SCN4A: variants seen among roughly 807,000 people sequenced by gnomAD.
The protein encoded by SCN4A is sodium voltage-gated channel alpha subunit 4.
SCN4A carries 83 observed loss-of-function variants against 162.0 expected under a neutral mutation model. That is an observed-to-expected ratio of 0.51 (90% CI 0.43 to 0.61). The LOEUF is 0.61. Ranked by LOEUF, SCN4A falls within the 20% of genes least tolerant of loss-of-function variation. The pLI is 0.00. For synonymous variants in SCN4A, 944 were observed against 985.1 expected, an observed-to-expected ratio of 0.96 and a Z score of 0.78; for missense variants, 2,196 against 2,462.5, an observed-to-expected ratio of 0.89 and a Z score of 2.29.
At position 63,951,702 on chromosome 17, in the gene SCN4A, C is replaced by A; in HGVS notation, c.2575G>T (p.Gly859Trp). The A allele has an allele frequency of 6.3e-7, 1 of 1,597,482 alleles. No individual in the cohort carries two copies. The highest frequency in any genetic ancestry group is 8.5e-7 in the Non-Finnish European group (1 of 1,171,820). The change falls in exon 14 of 24, where the codon GGG becomes TGG. Residue 859 changes from glycine (G) to tryptophan (W), a missense_variant. Gly to Trp is a radical substitution (Grantham distance 184, BLOSUM62 -2). Coordinates refer to ENST00000435607, the MANE Select transcript of SCN4A (RefSeq NM_000334.4). The surrounding 1 kb of genome is among the most constrained non-coding windows in gnomAD (Gnocchi z 4.5). ...LSPKDIMLSL[G>W]EADGAGEAGE... Reference sequence around the variant, plus strand: ...GCCTCCCCGGCCCCGTCAGCCTCCCCGAGGCTGAGCATGATGTCCTTGGGG... The same window carrying A: ...GCCTCCCCGGCCCCGTCAGCCTCCCAGAGGCTGAGCATGATGTCCTTGGGG...
chr17:63,947,112 AT>A lies in SCN4A; in HGVS notation c.3373del (p.Ile1125SerfsTer13). ...NWLGYSELGPIKSLRTLRALR... is the reference protein window; with the variant it reads ...NWLGYSELGPXKSLRTLRALR... ...GGCCCGCAGTGTCCGCAGGGATTTG[AT>A]GGGTCCCAGCTCCGAGTAGCCCAGC... On this transcript the variant is annotated frameshift_variant, in exon 18 of 24. Coordinates refer to ENST00000435607, the MANE Select transcript of SCN4A (RefSeq NM_000334.4). LOFTEE classifies it high-confidence loss of function. 6.3e-7 allele frequency: 1 copy of A among 1,577,218 alleles called. No homozygotes were observed. Among genetic ancestry groups the A allele is most frequent in the Non-Finnish European group, 8.6e-7 (1 of 1,156,912 alleles).
At chr17:63,957,675 A>T (rs1257649035) in intron 12 of SCN4A, among the ~76,000 whole-genome samples, 157 bp from the exon 13 acceptor site, 2 of 152,140 alleles carry the variant, frequency 1.3e-5, no homozygotes, top group Non-Finnish European at 2.9e-5. Context: ...GGGAACACTC[A>T]TTCTACCACC....
Position 63,968,023 on chromosome 17 carries a change from C to T in SCN4A, c.1036G>A (p.Gly346Arg). 1 of 1,613,182 alleles carries T rather than the reference C, an allele frequency of 6.2e-7. No homozygotes were observed. Among genetic ancestry groups the T allele is most frequent in the Non-Finnish European group, 8.5e-7 (1 of 1,179,260 alleles). Reference sequence around the variant, plus strand: ...TGCCCGTCACCCTCCCCATTCTTACCTTCATCACTGATGTAGGCGTCCCAA... The same window carrying T: ...TGCCCGTCACCCTCCCCATTCTTACTTTCATCACTGATGTAGGCGTCCCAA... Reference protein sequence around the residue: ...FDWDAYISDEGNFYFLEGSND... With the variant: ...FDWDAYISDERNFYFLEGSND... Residue 346 changes from glycine (G) to arginine (R), a missense_variant and splice_region_variant, in exon 6 of 24, where the codon GGG (glycine) becomes AGG (arginine). Coordinates refer to ENST00000435607, the MANE Select transcript of SCN4A (RefSeq NM_000334.4).
intron 21 of SCN4A, 72 bp from the exon 22 acceptor site, chr17:63,943,922 G>A (rs1908629542): frequency 2.1e-6 from 2 of 938,256 alleles, no homozygotes; most frequent in Non-Finnish European, 3.5e-6. Context: ...CCCCACCTCA[G>A]TGGGGCACCT....
rs773202280 is a variant in SCN4A at position 63,945,425 on chromosome 17, G to A, written c.3655C>T (p.Arg1219Cys). 3.1e-6 allele frequency: 5 copies of A among 1,613,900 alleles called. No individual in the cohort carries two copies. Among genetic ancestry groups the A allele is most frequent in the Non-Finnish European group, 3.4e-6 (4 of 1,179,812 alleles). ...TAGTTGACCTTGACATTGAGCCAGC[G>A]GACCTGGCCTGTGTGCATGAGGCTC... ...CESLMHTGQVRWLNVKVNYDN... is the reference protein window; with the variant it reads ...CESLMHTGQVCWLNVKVNYDN... Residue 1219 changes from arginine to cysteine, a missense_variant, in exon 19 of 24, where the codon CGC becomes TGC. Arg to Cys is a radical substitution (Grantham distance 180, BLOSUM62 -3). Coordinates refer to ENST00000435607, the MANE Select transcript of SCN4A (RefSeq NM_000334.4). The surrounding 1 kb of genome is among the most constrained non-coding windows in gnomAD (Gnocchi z 4.4).
In SCN4A at chr17:63,944,901, A is replaced by C. The variant is rs1006411734; in HGVS notation, c.3775-91T>G. On this transcript the variant is annotated intron_variant, in intron 20 of 23. Transcript: ENST00000435607. The surrounding 1 kb of genome is among the most constrained non-coding windows in gnomAD (Gnocchi z 4.3). Reference sequence around the variant, plus strand: ...CTGAGGGCAGGACCCATCCACCCCCAGGGCTGCCAAGTCTCGGGGACAGAA... The same window carrying C: ...CTGAGGGCAGGACCCATCCACCCCCCGGGCTGCCAAGTCTCGGGGACAGAA... 6.3e-7 allele frequency: 1 copy of C among 1,590,908 alleles called. No homozygotes were observed.
intron 22 of SCN4A, 112 bp from the exon 23 acceptor site, chr17:63,943,208 ATG>A: frequency 3.7e-6 from 1 of 272,100 alleles, no homozygotes; most frequent in South Asian, 3.4e-5. Context: ...GATGACAGAG[ATG>A]ACAGAGAGAG....
In SCN4A at chr17:63,951,627, C is replaced by T. The variant is rs780708338; in HGVS notation, c.2650G>A (p.Glu884Lys). The change falls in exon 14 of 24, where the codon GAG becomes AAG. Residue 884 changes from glutamate to lysine, a missense_variant. Coordinates refer to ENST00000435607, the MANE Select transcript of SCN4A (RefSeq NM_000334.4). The surrounding 1 kb of genome is among the most constrained non-coding windows in gnomAD (Gnocchi z 4.5). ...TGATTGTCCTTCTTCAGGTCCTCCT[C>T]GGGCGGCTCCTTCTTCTCATCCTCG... ...APEDEKKEPP[E>K]EDLKKDNHIL... 1.7e-5 allele frequency: 28 copies of T among 1,612,900 alleles called. No homozygotes were observed. The highest frequency in any genetic ancestry group is 1.6e-4 in the Middle Eastern group (1 of 6,084).
At position 63,950,405 on chromosome 17, in the gene SCN4A, T is replaced by G. The variant is rs1342860648; in HGVS notation, c.2854-877A>C. On this transcript the variant is annotated intron_variant, in intron 14 of 23. Coordinates refer to ENST00000435607, the MANE Select transcript of SCN4A (RefSeq NM_000334.4). This position sits in a 1 kb window ranked among gnomAD's most constrained non-coding sequence, Gnocchi z 4.6. The stretch of plus-strand genomic sequence containing the variant: ...CAACTCCCTAAATCTCCCTTGGAGT[T>G]GTGCTCGCCCTCCTTGAACAAGTCC... Among the ~76,000 whole-genome samples the G allele has an allele frequency of 6.6e-6, 1 of 152,132 alleles. No homozygotes were observed. Among genetic ancestry groups the G allele is most frequent in the Non-Finnish European group, 1.5e-5 (1 of 68,004 alleles).
intron 13 of SCN4A, among the ~76,000 whole-genome samples, chr17:63,953,267 G>C (rs911299754): frequency 1.6e-4 from 24 of 152,086 alleles, no homozygotes; most frequent in Admixed American, 6.5e-5. Context: ...GGCTGAGGCA[G>C]GAGAATCGCT....
At chr17:63,967,561 G>A (rs895130573) in intron 6 of SCN4A, among the ~76,000 whole-genome samples, 1 of 152,166 alleles carries the variant, frequency 6.6e-6, no homozygotes, top group African/African-American at 2.4e-5. Context: ...GGGAGATCAA[G>A]TGACTAGTCA....
intron 13 of SCN4A, among the ~76,000 whole-genome samples, chr17:63,955,720 G>C (rs1189231948): frequency 6.6e-6 from 1 of 152,014 alleles, no homozygotes; most frequent in Admixed American, 6.6e-5. Context: ...GTTGGGCCCG[G>C]GCACCTTCCC....
Position 63,949,512 on chromosome 17 carries a change from A to G in SCN4A, c.2870T>C (p.Leu957Pro). The change falls in exon 15 of 24, where the codon CTC (leucine) becomes CCC (proline). Residue 957 changes from leucine (L) to proline (P), a missense_variant. Physicochemically the swap from Leu to Pro is moderately conservative, Grantham distance 98. Transcript: ENST00000435607. ...PEDSKKPPQP[L>P]YDGNSSVCST... The stretch of plus-strand genomic sequence containing the variant: ...GCAGACGGACGAGTTCCCATCATAG[A>G]GAGGCTGCGGCGGCTTCTGCGGAGG... The G allele has an allele frequency of 6.2e-7, 1 of 1,610,546 alleles. No individual in the cohort carries two copies. The highest frequency in any genetic ancestry group is 8.5e-7 in the Non-Finnish European group (1 of 1,177,540).
At chr17:63,957,118 G>T in intron 13 of SCN4A, 44 bp downstream of exon 13, 3 of 1,321,624 alleles carry the variant, frequency 2.3e-6, no homozygotes, top group Non-Finnish European at 3.2e-6. Flanking sequence ...CATCTTGTAC[G>T]CTTCCCGGGT....
intron 5 of SCN4A, among the ~76,000 whole-genome samples, chr17:63,970,514 A>G (rs2144812539): frequency 6.6e-6 from 1 of 152,238 alleles, no homozygotes; most frequent in East Asian, 1.9e-4. Flanking sequence ...CCCAGGCTGG[A>G]GTGCAGTGGC....
Position 63,941,729 on chromosome 17 carries a change from T to C in SCN4A, c.4553A>G (p.Asn1518Ser). The C allele has an allele frequency of 6.2e-7, 1 of 1,614,002 alleles. No individual in the cohort carries two copies. Among genetic ancestry groups the C allele is most frequent in the South Asian group, 1.1e-5 (1 of 91,076 alleles). The change falls in exon 24 of 24, where the codon AAC (asparagine) becomes AGC (serine). Residue 1518 changes from asparagine to serine, a missense_variant. By Grantham distance (46) the Asn-to-Ser change is conservative. Transcript: ENST00000435607. This position sits in a 1 kb window ranked among gnomAD's most constrained non-coding sequence, Gnocchi z 6.2. ...GATGCTGTTGCCGAAGGTCTCGAAG[T>C]TGAACATATCATCGATGCCCGACTC... Reference protein sequence around the residue: ...KKESGIDDMFNFETFGNSIIC... With the variant: ...KKESGIDDMFSFETFGNSIIC...
Position 63,968,003 on chromosome 17 carries a change from G to A in SCN4A, c.1036+20C>T, listed in dbSNP as rs755836242. The A allele has an allele frequency of 1.6e-5, 25 of 1,602,164 alleles. No individual in the cohort carries two copies. The highest frequency in any genetic ancestry group is 3.3e-5 in the South Asian group (3 of 90,814). On this transcript the variant is annotated intron_variant, in intron 6 of 23. Coordinates refer to ENST00000435607, the MANE Select transcript of SCN4A (RefSeq NM_000334.4). ...GACTGGGACAGGATCCCCCTTGCCC[G>A]TCACCCTCCCCATTCTTACCTTCAT...
Position 63,940,697 on chromosome 17 carries a change from ACTCT to A in SCN4A, c.*70_*73del, listed in dbSNP as rs1170547012. 6.7e-7 allele frequency: 1 copy of A among 1,490,138 alleles called. No individual in the cohort carries two copies. Among genetic ancestry groups the A allele is most frequent in the African/African-American group, 1.4e-5 (1 of 70,526 alleles). The allele number at this position is 1,490,138 out of a possible 1,614,324, so 92.3% of individuals were successfully genotyped here. A position where few individuals can be genotyped will look rare whatever the true frequency, so the allele number is the denominator to read the frequency against. On this transcript the variant is annotated 3_prime_UTR_variant, in exon 24 of 24. Coordinates refer to ENST00000435607, the MANE Select transcript of SCN4A (RefSeq NM_000334.4). ...CCCAGATTCAAAGCCCTCCTCCCTC[ACTCT>A]GTGTGCAGGCACCACGGGGGAGCTC...
rs370438278 is a variant in SCN4A, at chr17:63,961,225, G to A, written c.1813C>T (p.His605Tyr). 7 of 1,493,792 alleles carry A rather than the reference G, an allele frequency of 4.7e-6. No homozygotes were observed. Among genetic ancestry groups the A allele is most frequent in the East Asian group, 2.7e-5 (1 of 37,070 alleles). The allele number at this position is 1,493,792 out of a possible 1,614,324, so 92.5% of individuals were successfully genotyped here. A position where few individuals can be genotyped will look rare whatever the true frequency, so the allele number is the denominator to read the frequency against. The change falls in exon 11 of 24, where the codon CAC (histidine) becomes TAC (tyrosine). Residue 605 changes from histidine (H) to tyrosine (Y), a missense_variant. Physicochemically the swap from His to Tyr is moderately conservative, Grantham distance 83. Transcript: ENST00000435607. ...MAMEHYPMTE[H>Y]FDNVLTVGNL... ...CCCACAGTGAGCACGTTGTCAAAGTGCTCCGTCATGGGGTAATGTTCCATG... is the reference window on the plus strand; with the variant it reads ...CCCACAGTGAGCACGTTGTCAAAGTACTCCGTCATGGGGTAATGTTCCATG...
Sources: gnomAD v4.1 joint callset for allele counts (sites outside exome capture counted in the v4.1 genomes callset) on GRCh38, gnomAD v4.1.1 for gene constraint, Gnocchi (gnomAD v3.1) non-coding constraint, MANE v1.5 for transcripts, NCBI Gene and HGNC (gene_info 2026-07-23, HGNC 2026-07-21) for gene names.